Variants in CREB1 observed in about 807,000 individuals in gnomAD.
CREB1 encodes cAMP responsive element binding protein 1, also known as cyclic AMP-responsive element-binding protein 1.
CREB1 carries 2 observed loss-of-function variants against 42.0 expected under a neutral mutation model. The ratio of observed to expected loss-of-function variants is 0.05; its 90% confidence interval spans 0.02 to 0.15. The LOEUF (loss-of-function observed/expected upper bound fraction) is 0.15. Among genes scored for constraint, CREB1 ranks in the 10% least tolerant of loss-of-function variants. The pLI is 1.00. For synonymous variants in CREB1, 123 were observed against 139.9 expected (o/e 0.88, Z 0.85); for missense variants, 199 against 388.9 (o/e 0.51, Z 4.11).
chr2:207,594,905 T>C (rs2085807988), intron 7 of CREB1, among the ~76,000 whole-genome samples: 1 of 152,156 alleles, frequency 6.6e-6, no homozygotes, highest in African/African-American at 2.4e-5. Flanking sequence ...GGTGGTGGTT[T>C]TTTGATAGTA....
At chr2:207,594,025 C>T (rs1293077684) in intron 7 of CREB1, among the ~76,000 whole-genome samples, 2 of 152,158 alleles carry the variant, frequency 1.3e-5, no homozygotes, top group Non-Finnish European at 2.9e-5. Context: ...CACACCAGCC[C>T]TCACAAACCT....
chr2:207,563,071 T>C (rs962120804), intron 3 of CREB1, among the ~76,000 whole-genome samples: 2 of 151,992 alleles, frequency 1.3e-5, no homozygotes, highest in Non-Finnish European at 2.9e-5. Context: ...GGATGGAGAA[T>C]GATGTGGAGG....
At chr2:207,569,038 T>C (rs1051708294) in intron 4 of CREB1, among the ~76,000 whole-genome samples, 1 of 148,568 alleles carries the variant, frequency 6.7e-6, no homozygotes, top group African/African-American at 2.5e-5. Flanking sequence ...CAGATACATG[T>C]CTGTTTTCAT....
intron 3 of CREB1, among the ~76,000 whole-genome samples, chr2:207,562,699 G>C (rs185335274): frequency 6.6e-6 from 1 of 152,116 alleles, no homozygotes. Flanking sequence ...GCCAGTTAAT[G>C]GTGATTAGTG....
At chr2:207,561,229 T>C in intron 3 of CREB1, 1 of 1,341,790 alleles carries the variant, frequency 7.5e-7, no homozygotes, top group Non-Finnish European at 1.1e-6. Flanking sequence ...ATTCTTTATG[T>C]CTTTGTCCTT....
chr2:207,579,631 C>T (rs1049098949), intron 7 of CREB1, among the ~76,000 whole-genome samples: 2 of 152,206 alleles, frequency 1.3e-5, no homozygotes, highest in African/African-American at 4.8e-5. Context: ...TTACCATGGA[C>T]TCTTTCATAA....
chr2:207,552,614 T>A (rs1043014635), intron 1 of CREB1, among the ~76,000 whole-genome samples: 3 of 151,724 alleles, frequency 2.0e-5, no homozygotes, highest in Admixed American at 6.6e-5. Context: ...GTCTTTTTTT[T>A]TTTTTTTTGG....
Position 207,600,911 on chromosome 2 carries a change from T to G in CREB1, c.*3853T>G. On this transcript the variant is annotated 3_prime_UTR_variant, in exon 8 of 8. Transcript: ENST00000353267. ...GATGCTTTACTTACTTGAAGTGACT[T>G]CAATCTAGATTTCTTTTAATATTTA... 1 of 201,270 alleles carries G rather than the reference T, an allele frequency of 5.0e-6. No homozygotes were observed. Among genetic ancestry groups the G allele is most frequent in the East Asian group, 7.7e-5 (1 of 13,006 alleles). The allele number at this position is 201,270 out of a possible 1,614,324, so 12.5% of individuals were successfully genotyped here.
chr2:207,537,833 A>G (rs909217917), intron 1 of CREB1, among the ~76,000 whole-genome samples: 8 of 152,254 alleles, frequency 5.3e-5, no homozygotes, highest in East Asian at 1.9e-4. Context: ...ACAAGGCCCT[A>G]TGAAGATAGG....
intron 4 of CREB1, 200 bp downstream of exon 4, chr2:207,567,763 A>ATTT: frequency 1.6e-5 from 5 of 304,936 alleles, no homozygotes; most frequent in East Asian, 5.4e-5. Flanking sequence ...ACCAGTCCTA[A>ATTT]TTTTTTTTTT....
chr2:207,591,962 A>T (rs1051333269), intron 7 of CREB1, among the ~76,000 whole-genome samples: 1 of 152,148 alleles, frequency 6.6e-6, no homozygotes, highest in Non-Finnish European at 1.5e-5. Context: ...TTCCTTATAT[A>T]AATCCATGTT....
At chr2:207,543,234 A>C (rs1467780458) in intron 1 of CREB1, among the ~76,000 whole-genome samples, 1 of 152,194 alleles carries the variant, frequency 6.6e-6, no homozygotes, top group Non-Finnish European at 1.5e-5. Flanking sequence ...TTTTCCCCCA[A>C]ATATCTTTGA....
intron 7 of CREB1, 129 bp from the exon 8 acceptor site, chr2:207,596,785 C>T: frequency 3.7e-6 from 4 of 1,072,584 alleles, no homozygotes; most frequent in East Asian, 2.8e-5. Context: ...ATATCTTTTC[C>T]AATGCTTAAT....
chr2:207,541,159 C>T (rs185883587), intron 1 of CREB1, among the ~76,000 whole-genome samples: 32 of 151,968 alleles, frequency 2.1e-4, no homozygotes, highest in African/African-American at 7.5e-4. Context: ...GTGGAGCATG[C>T]AGTGAGCCGA....
intron 7 of CREB1, among the ~76,000 whole-genome samples, chr2:207,586,090 CAAAG>C (rs970665376): frequency 3.9e-5 from 6 of 152,036 alleles, no homozygotes; most frequent in Non-Finnish European, 7.4e-5. Flanking sequence ...AAGTCAAAAA[CAAAG>C]AAAAAATTCT....
rs565660729 is a variant in CREB1, at chr2:207,600,205, TG to T, written c.*3155del. On this transcript the variant is annotated 3_prime_UTR_variant, in exon 8 of 8. Transcript: ENST00000353267. Reference sequence around the variant, plus strand: ...GGTGCTCTCTTCATTTAGATATTCTTGGGGGGGGTGGCATTTGTATAATATA... The same window carrying T: ...GGTGCTCTCTTCATTTAGATATTCTTGGGGGGGTGGCATTTGTATAATATA... 369 of 168,832 alleles carry T rather than the reference TG, an allele frequency of 2.2e-3. 2 individuals carry two copies. The highest frequency in any genetic ancestry group is 0.012 in the Middle Eastern group (5 of 422). The allele number at this position is 168,832 out of a possible 1,614,324, so 10.5% of individuals were successfully genotyped here.
chr2:207,565,662 A>T (rs1202505164), intron 3 of CREB1, among the ~76,000 whole-genome samples: 1 of 152,132 alleles, frequency 6.6e-6, no homozygotes, highest in Non-Finnish European at 1.5e-5. Context: ...GTGTTCCCTA[A>T]TCACTATATG....
rs1052666295 is a variant in CREB1 at position 207,565,395 on chromosome 2, T to G, written c.262-2068T>G. Among the ~76,000 whole-genome samples, 6 of 152,190 alleles carry G rather than the reference T, an allele frequency of 3.9e-5. 1 individual carries two copies. The highest frequency in any genetic ancestry group is 1.4e-4 in the African/African-American group (6 of 41,456). On this transcript the variant is annotated intron_variant, in intron 3 of 7. Coordinates refer to ENST00000353267, the MANE Select transcript of CREB1 (RefSeq NM_004379.5). ...GTGTTTATTTCAGTGGTCTGAATTC[T>G]CTTTACATTTACAAAGTTGCAAGCA...
At chr2:207,576,590 CT>C in intron 6 of CREB1, 1 of 805,558 alleles carries the variant, frequency 1.2e-6, no homozygotes, top group Non-Finnish European at 1.8e-6. Flanking sequence ...TACTATTTTG[CT>C]TATTGATGAG....
Sources: allele counts gnomAD v4.1 joint callset (sites outside exome capture counted in the v4.1 genomes callset), GRCh38; gene constraint gnomAD v4.1.1; transcripts MANE v1.5; gene names NCBI Gene and HGNC (gene_info 2026-07-23, HGNC 2026-07-21).